Variants in SORCS2 observed in about 807,000 individuals in gnomAD.
SORCS2 encodes the protein VPS10 domain-containing receptor SorCS2.
Under a neutral mutation model 141.6 loss-of-function variants are expected in SORCS2, and 100 were observed. The ratio of observed to expected loss-of-function variants is 0.71; its 90% CI spans 0.60 to 0.83. SORCS2 has a LOEUF of 0.83. Ranked by LOEUF, SORCS2 falls within the 40% of genes least tolerant of loss-of-function variation. SORCS2 has a pLI of 0.00. For missense variants in SORCS2, 1,646 were observed against 1,560.2 expected, an observed-to-expected ratio of 1.05 and a Z score of -0.93; for synonymous variants, 789 against 676.9, an observed-to-expected ratio of 1.17 and a Z score of -2.57.
chr4:7,242,026 G>C (rs1712737331), intron 1 of SORCS2, among the ~76,000 whole-genome samples: 1 of 152,132 alleles, frequency 6.6e-6, no homozygotes, highest in Non-Finnish European at 1.5e-5. Context: ...TGACTGGCGA[G>C]GAAGCTACCT....
chr4:7,658,709 C>T (rs536500932), intron 5 of SORCS2, among the ~76,000 whole-genome samples: 1 of 152,164 alleles, frequency 6.6e-6, no homozygotes, highest in Non-Finnish European at 1.5e-5. Context: ...TATGGATTTC[C>T]CCTGTCCACC....
chr4:7,397,581 G>A (rs773264885), intron 2 of SORCS2, among the ~76,000 whole-genome samples: 32 of 152,042 alleles, frequency 2.1e-4, no homozygotes, highest in Non-Finnish European at 2.9e-4. Context: ...TCCCTGCCAC[G>A]GCCCCCCGTT....
At chr4:7,643,478 T>C (rs1201576817) in intron 4 of SORCS2, among the ~76,000 whole-genome samples, 2 of 152,240 alleles carry the variant, frequency 1.3e-5, no homozygotes, top group Non-Finnish European at 2.9e-5. Flanking sequence ...CTTCCCAGCA[T>C]GGTGAGAAAT....
intron 1 of SORCS2, among the ~76,000 whole-genome samples, chr4:7,385,622 C>A (rs1228604204): frequency 6.6e-6 from 1 of 152,202 alleles, no homozygotes; most frequent in East Asian, 1.9e-4. Context: ...CGCCCTGCCC[C>A]ACATTGGGAA....
chr4:7,653,218 C>T (rs140995172), intron 4 of SORCS2, among the ~76,000 whole-genome samples: 1 of 152,202 alleles, frequency 6.6e-6, no homozygotes, highest in East Asian at 1.9e-4. Flanking sequence ...GCCCCCTCAG[C>T]CTTCACTTCC....
chr4:7,317,796 C>T (rs763847670), intron 1 of SORCS2, among the ~76,000 whole-genome samples: 4 of 152,194 alleles, frequency 2.6e-5, no homozygotes, highest in South Asian at 2.1e-4. Flanking sequence ...AAGGGGCTTC[C>T]GACAGTCACA....
intron 3 of SORCS2, among the ~76,000 whole-genome samples, chr4:7,541,752 G>A (rs190169144): frequency 2.0e-5 from 3 of 152,338 alleles, no homozygotes; most frequent in East Asian, 1.9e-4. Context: ...CAGGGTCAGC[G>A]CCTCCACACG....
At chr4:7,578,892 T>G (rs918381565) in intron 3 of SORCS2, among the ~76,000 whole-genome samples, 2 of 152,238 alleles carry the variant, frequency 1.3e-5, no homozygotes, top group African/African-American at 4.8e-5. Context: ...AAGCCCACCT[T>G]ATCCCTAAGT....
At chr4:7,273,021 G>T (rs1715247879) in intron 1 of SORCS2, among the ~76,000 whole-genome samples, 2 of 152,258 alleles carry the variant, frequency 1.3e-5, no homozygotes, top group South Asian at 4.1e-4. Flanking sequence ...GCAGGAGGCT[G>T]CAGGGTTGTT....
chr4:7,490,594 T>C (rs750239312), intron 2 of SORCS2, among the ~76,000 whole-genome samples: 1 of 152,134 alleles, frequency 6.6e-6, no homozygotes, highest in African/African-American at 2.4e-5. Context: ...GGGGTGAGGA[T>C]GGCAGACATG....
chr4:7,666,843 C>T (rs569065215), intron 7 of SORCS2, among the ~76,000 whole-genome samples: 26 of 152,236 alleles, frequency 1.7e-4, no homozygotes, highest in African/African-American at 6.0e-4. Flanking sequence ...ACTTTCTCCA[C>T]CTTGTTCCAT....
intron 1 of SORCS2, among the ~76,000 whole-genome samples, chr4:7,307,238 G>A (rs182383444): frequency 2.6e-5 from 4 of 152,294 alleles, no homozygotes; most frequent in South Asian, 2.1e-4. Context: ...TGCTGTGCCC[G>A]GGAGGGATCG....
chr4:7,611,641 T>C (rs1220462248), intron 3 of SORCS2, among the ~76,000 whole-genome samples: 1 of 152,236 alleles, frequency 6.6e-6, no homozygotes, highest in Non-Finnish European at 1.5e-5. Flanking sequence ...TGTTTCCACG[T>C]AGCCGCAGGT....
intron 3 of SORCS2, among the ~76,000 whole-genome samples, chr4:7,534,071 C>T (rs1037896911): frequency 4.6e-5 from 7 of 152,222 alleles, no homozygotes; most frequent in African/African-American, 1.2e-4. Flanking sequence ...GGAGTTTGGA[C>T]ATTTAGCCTA....
At chr4:7,496,369 C>T (rs1352038996) in intron 2 of SORCS2, among the ~76,000 whole-genome samples, 4 of 151,906 alleles carry the variant, frequency 2.6e-5, no homozygotes, top group Admixed American at 1.3e-4. Context: ...AAGGCCCTTG[C>T]GCTTCCTACC....
chr4:7,277,140 T>A (rs1050958280), intron 1 of SORCS2, among the ~76,000 whole-genome samples: 1 of 2,518 alleles, frequency 4.0e-4, no homozygotes, highest in Non-Finnish European at 7.3e-4. Flanking sequence ...GTATGGAGGG[T>A]GGGTGGGTGG....
At chr4:7,228,618 G>A (rs755889353) in intron 1 of SORCS2, among the ~76,000 whole-genome samples, 19 of 152,206 alleles carry the variant, frequency 1.2e-4, no homozygotes, top group Non-Finnish European at 2.4e-4. Flanking sequence ...GAGGAGTGGA[G>A]AAGGGGCCAT....
rs1712730067 is a variant in SORCS2 at position 7,742,195 on chromosome 4, C to T, written c.*1931C>T. ...GGGCCATGACTCTCTGGGACCTTGC[C>T]ACAGCCCCCATTCCCCTGCTTGCAG... On this transcript the variant is annotated 3_prime_UTR_variant, in exon 27 of 27. Coordinates refer to ENST00000507866, the MANE Select transcript of SORCS2 (RefSeq NM_020777.3). 1 of 152,254 alleles carries T rather than the reference C, an allele frequency of 6.6e-6. No homozygotes were observed. The highest frequency in any genetic ancestry group is 1.5e-5 in the Non-Finnish European group (1 of 68,078). 9.4% of individuals were successfully genotyped at this position (152,254 alleles called of 1,614,324 possible).
In SORCS2 at chr4:7,733,437, C is replaced by T. The variant is rs752113673; in HGVS notation, c.3208+16C>T. 7.0e-6 allele frequency: 11 copies of T among 1,561,732 alleles called. No homozygotes were observed. The highest frequency in any genetic ancestry group is 1.9e-5 in the Admixed American group (1 of 53,120). On this transcript the variant is annotated intron_variant, in intron 24 of 26. Transcript: ENST00000507866. ...ACAGGCACAGGTGAGCCACTGGGAG[C>T]TCCCCTGCGGAATGGGTGGAGGAGG...
Sources: allele counts gnomAD v4.1 joint callset (sites outside exome capture counted in the v4.1 genomes callset), GRCh38; gene constraint gnomAD v4.1.1; transcripts MANE v1.5; gene names NCBI Gene and HGNC (gene_info 2026-07-23, HGNC 2026-07-21).